Variants in GRM7 observed in about 807,000 individuals in gnomAD.
GRM7 encodes the protein glutamate metabotropic receptor 7.
In GRM7, 35 loss-of-function variants were observed where a neutral mutation model predicts 84.5. The ratio of observed to expected loss-of-function variants is 0.41; its 90% CI spans 0.32 to 0.55. The LOEUF (loss-of-function observed/expected upper bound fraction) is 0.55, where lower values mean the gene tolerates loss of function less well. GRM7 is among the 20% of genes least tolerant of loss of function. GRM7 has a pLI of 0.19. For missense variants in GRM7, 1,003 were observed against 1,194.6 expected, an observed-to-expected ratio of 0.84 and a Z score of 2.36; for synonymous variants, 487 against 455.1, an observed-to-expected ratio of 1.07 and a Z score of -0.89.
At chr3:7,155,682 T>C (rs1285591394) in intron 2 of GRM7, among the ~76,000 whole-genome samples, 1 of 152,142 alleles carries the variant, frequency 6.6e-6, no homozygotes, top group African/African-American at 2.4e-5. Flanking sequence ...TTTCCTTTAA[T>C]TTGGCAAACG....
intron 7 of GRM7, among the ~76,000 whole-genome samples, chr3:7,490,861 T>C (rs1045743209): frequency 2.8e-4 from 43 of 152,212 alleles, no homozygotes; most frequent in African/African-American, 1.0e-3. Flanking sequence ...GCCATAAAGA[T>C]ACTGAGAGTC....
At chr3:7,024,774 A>G (rs1310366490) in intron 1 of GRM7, among the ~76,000 whole-genome samples, 3 of 152,210 alleles carry the variant, frequency 2.0e-5, no homozygotes, top group Non-Finnish European at 2.9e-5. Context: ...TTCTCCTAGA[A>G]CTGTCTCTGT....
intron 1 of GRM7, among the ~76,000 whole-genome samples, chr3:6,905,612 A>C (rs1696547395): frequency 6.6e-6 from 1 of 152,092 alleles, no homozygotes; most frequent in Admixed American, 6.6e-5. Context: ...CAATTCCAAT[A>C]GATAATGTTA....
chr3:6,911,598 C>A (rs1202594306), intron 1 of GRM7, among the ~76,000 whole-genome samples: 1 of 152,118 alleles, frequency 6.6e-6, no homozygotes, highest in Middle Eastern at 3.2e-3. Flanking sequence ...TACTACAAGA[C>A]AAGTGGTAGC....
chr3:7,414,294 A>G (rs922173024), intron 4 of GRM7, among the ~76,000 whole-genome samples: 1 of 152,058 alleles, frequency 6.6e-6, no homozygotes, highest in Non-Finnish European at 1.5e-5. Context: ...GGGGAAGGAG[A>G]TGGTGTAGTC....
chr3:7,275,653 C>T (rs901633565), intron 2 of GRM7, among the ~76,000 whole-genome samples: 17 of 152,048 alleles, frequency 1.1e-4, no homozygotes, highest in Non-Finnish European at 1.8e-4. Flanking sequence ...CTAATAAAAC[C>T]CCGGCAAGTT....
chr3:7,262,593 A>C (rs996826066), intron 2 of GRM7, among the ~76,000 whole-genome samples: 1 of 152,052 alleles, frequency 6.6e-6, no homozygotes, highest in Non-Finnish European at 1.5e-5. Flanking sequence ...TGTGAATTCT[A>C]TTTCTGTCAT....
intron 1 of GRM7, among the ~76,000 whole-genome samples, chr3:7,045,233 G>T (rs772699161): frequency 6.6e-6 from 1 of 152,170 alleles, no homozygotes; most frequent in Non-Finnish European, 1.5e-5. Context: ...AGTCTAGTCA[G>T]ATGTTTGGCA....
intron 1 of GRM7, among the ~76,000 whole-genome samples, chr3:7,089,136 T>C (rs1330068670): frequency 2.0e-5 from 3 of 152,160 alleles, no homozygotes; most frequent in African/African-American, 7.2e-5. Flanking sequence ...TCCAACTTTA[T>C]TGGGTAGAGT....
chr3:7,545,417 G>A (rs947120059), intron 7 of GRM7, among the ~76,000 whole-genome samples: 1 of 152,170 alleles, frequency 6.6e-6, no homozygotes, highest in Non-Finnish European at 1.5e-5. Flanking sequence ...CCCCACTAGC[G>A]AAGGAGACAT....
intron 1 of GRM7, among the ~76,000 whole-genome samples, chr3:6,984,330 T>C (rs973422098): frequency 6.6e-6 from 1 of 152,180 alleles, no homozygotes; most frequent in Non-Finnish European, 1.5e-5. Context: ...TGCAAAAGTG[T>C]TGGGGAGAAG....
chr3:7,430,519 A>G (rs1029261811), intron 5 of GRM7, among the ~76,000 whole-genome samples: 1 of 152,266 alleles, frequency 6.6e-6, no homozygotes, highest in Non-Finnish European at 1.5e-5. Context: ...CGTCGCTGTT[A>G]GAATGTAAAT....
chr3:6,866,366 GT>G (rs1694938344), intron 1 of GRM7, among the ~76,000 whole-genome samples: 1 of 150,168 alleles, frequency 6.7e-6, no homozygotes, highest in Non-Finnish European at 1.5e-5. Flanking sequence ...TAAAAATGTA[GT>G]TTCTAAAAGT....
At chr3:7,407,637 C>T (rs566262712) in intron 4 of GRM7, among the ~76,000 whole-genome samples, 14 of 152,082 alleles carry the variant, frequency 9.2e-5, no homozygotes, top group Middle Eastern at 3.4e-3. Flanking sequence ...CGCTTTAAGT[C>T]GCATTTGGAA....
intron 1 of GRM7, among the ~76,000 whole-genome samples, chr3:7,078,059 G>C (rs1698154935): frequency 6.6e-6 from 1 of 152,124 alleles, no homozygotes; most frequent in South Asian, 2.1e-4. Flanking sequence ...TAAATGAATG[G>C]GCCTGACTGT....
chr3:7,135,200 A>G (rs1329497103), intron 1 of GRM7, among the ~76,000 whole-genome samples: 1 of 152,224 alleles, frequency 6.6e-6, no homozygotes, highest in African/African-American at 2.4e-5. Flanking sequence ...ATTCCTGCCC[A>G]ACCATCCTAT....
chr3:6,941,832 G>A (rs977432450), intron 1 of GRM7, among the ~76,000 whole-genome samples: 2 of 152,086 alleles, frequency 1.3e-5, no homozygotes, highest in Admixed American at 6.6e-5. Flanking sequence ...CTAGATAGGT[G>A]AACAAGTCAT....
In GRM7 at chr3:7,609,383, T is replaced by G. The variant is rs1696740579; in HGVS notation, c.2451+30026T>G. Among the ~76,000 whole-genome samples the G allele has an allele frequency of 2.6e-5, 4 of 151,664 alleles. No individual in the cohort carries two copies. The South Asian group carries it at 8.3e-4, about 31-fold the overall frequency. On this transcript the variant is annotated intron_variant, in intron 8 of 9. Transcript: ENST00000357716. Reference sequence around the variant, plus strand: ...AAATAACAGCACATTAGTATATAGATAGGGATATCCAGTAGAGAGGGACAA... The same window carrying G: ...AAATAACAGCACATTAGTATATAGAGAGGGATATCCAGTAGAGAGGGACAA...
At chr3:7,109,622 C>G (rs1692775107) in intron 1 of GRM7, among the ~76,000 whole-genome samples, 1 of 152,106 alleles carries the variant, frequency 6.6e-6, no homozygotes, top group African/African-American at 2.4e-5. Flanking sequence ...CTCCATTGTT[C>G]CGGTCCAGCA....
Sources: allele counts gnomAD v4.1 joint callset (sites outside exome capture counted in the v4.1 genomes callset), GRCh38; gene constraint gnomAD v4.1.1; transcripts MANE v1.5; gene names NCBI Gene and HGNC (gene_info 2026-07-23, HGNC 2026-07-21).